IFT74: variants seen among roughly 807,000 people sequenced by gnomAD.
IFT74 encodes the protein intraflagellar transport 74, also known as intraflagellar transport protein 74 homolog.
In IFT74, 92 loss-of-function variants were observed where a neutral mutation model predicts 96.7. The observed-to-expected ratio is 0.95, with a 90% CI of 0.80 to 1.13. The LOEUF (loss-of-function observed/expected upper bound fraction) is 1.13. Among genes scored for constraint, IFT74 ranks in the 50% most tolerant of loss-of-function variants. The pLI is 0.00. For missense variants in IFT74, 811 were observed against 698.2 expected, an observed-to-expected ratio of 1.16 and a Z score of -1.82; for synonymous variants, 223 against 213.2, an observed-to-expected ratio of 1.05 and a Z score of -0.40.
chr9:27,011,869 A>G lies in IFT74; in HGVS notation c.727-37A>G, dbSNP rs369420033. On this transcript the variant is annotated intron_variant, in intron 9 of 19. Coordinates refer to ENST00000380062, the MANE Select transcript of IFT74 (RefSeq NM_025103.4). The stretch of plus-strand genomic sequence containing the variant: ...CACTACAACAAATTATTCTTAATGT[A>G]ATTTGGATTTATGTTTGCTTTTTTT... The G allele has an allele frequency of 1.8e-4, 249 of 1,402,594 alleles. No individual in the cohort carries two copies. The African/African-American group carries it at 3.5e-3, about 20-fold the overall frequency. 86.9% of individuals were successfully genotyped at this position (1,402,594 alleles called of 1,614,324 possible).
At chr9:27,055,343 A>G (rs1214118939) in intron 16 of IFT74, among the ~76,000 whole-genome samples, 1 of 152,162 alleles carries the variant, frequency 6.6e-6, no homozygotes, top group East Asian at 1.9e-4. Context: ...CAAGAAAAAA[A>G]CTTAAATGTT....
intron 11 of IFT74, among the ~76,000 whole-genome samples, chr9:27,018,105 A>G (rs1255331572): frequency 6.6e-6 from 1 of 152,206 alleles, no homozygotes; most frequent in Non-Finnish European, 1.5e-5. Flanking sequence ...AGGTACGCCT[A>G]CCACATAAAA....
intron 8 of IFT74, among the ~76,000 whole-genome samples, chr9:26,991,610 A>G (rs1373033029): frequency 6.6e-6 from 1 of 151,338 alleles, no homozygotes; most frequent in Non-Finnish European, 1.5e-5. Flanking sequence ...AATTTTGTTC[A>G]TGGTAACCAC....
chr9:26,995,986 T>C, intron 8 of IFT74: 1 of 695,304 alleles, frequency 1.4e-6, no homozygotes, highest in East Asian at 2.8e-5. Flanking sequence ...AGATTTTGTT[T>C]GGTGGATGAA....
At chr9:27,003,524 GAA>G in intron 8 of IFT74, among the ~76,000 whole-genome samples, 1 of 146,298 alleles carries the variant, frequency 6.8e-6, no homozygotes, top group East Asian at 2.0e-4. Flanking sequence ...CTCTGTCTCA[GAA>G]AAAAAAAAGA....
At chr9:26,958,140 C>A (rs951970015) in intron 1 of IFT74, among the ~76,000 whole-genome samples, 1 of 152,016 alleles carries the variant, frequency 6.6e-6, no homozygotes, top group Admixed American at 6.6e-5. Flanking sequence ...CAAGAGAGAA[C>A]AAAGTTTTTG....
At chr9:26,959,675 ATG>A (rs1826267918) in intron 1 of IFT74, among the ~76,000 whole-genome samples, 1 of 152,142 alleles carries the variant, frequency 6.6e-6, no homozygotes, top group Admixed American at 6.5e-5. Context: ...GGCAGGATGG[ATG>A]TAGAGAAGTT....
chr9:26,997,869 G>T (rs1329146708), intron 8 of IFT74: 1 of 1,614,182 alleles, frequency 6.2e-7, no homozygotes, highest in Admixed American at 1.7e-5. Flanking sequence ...TTGCCTTGCA[G>T]ATTCAGAAGT....
At chr9:26,953,569 G>C (rs764268594), upstream of IFT74, among the ~76,000 whole-genome samples, 1 of 152,146 alleles carries the variant, frequency 6.6e-6, no homozygotes, top group South Asian at 2.1e-4. Context: ...TCTTATTTCA[G>C]TTGATGTACA....
intron 2 of IFT74, among the ~76,000 whole-genome samples, chr9:26,962,671 G>C (rs867982845): frequency 6.6e-6 from 1 of 152,142 alleles, no homozygotes; most frequent in South Asian, 2.1e-4. Context: ...TAGAAACTTG[G>C]TATTTCAAAA....
intron 13 of IFT74, among the ~76,000 whole-genome samples, chr9:27,032,279 C>T (rs1260605212): frequency 6.6e-6 from 1 of 152,038 alleles, no homozygotes; most frequent in Non-Finnish European, 1.5e-5. Context: ...TCTCCTATTT[C>T]TATATGCTGG....
rs773339320 is a variant in IFT74, at chr9:27,009,579, A to G, written c.726+421A>G. On this transcript the variant is annotated intron_variant, in intron 9 of 19. Transcript: ENST00000380062. ...CTTGCAGTTACAGACTTTTAATGCA[A>G]ACATTAAAAGGCCTCATAGGTGGAG... 3.9e-5 allele frequency among the ~76,000 whole-genome samples: 6 copies of G among 152,084 alleles called. No homozygotes were observed. The South Asian group carries it at 1.0e-3, about 26-fold the overall frequency.
chr9:26,981,476 A>G (rs562449015), intron 4 of IFT74, among the ~76,000 whole-genome samples: 9 of 150,710 alleles, frequency 6.0e-5, no homozygotes, highest in Non-Finnish European at 8.9e-5. Flanking sequence ...GTGCAGTGGC[A>G]TGATCTCGGT....
chr9:26,991,345 C>T (rs1827857606), intron 8 of IFT74, among the ~76,000 whole-genome samples: 1 of 152,106 alleles, frequency 6.6e-6, no homozygotes, highest in Non-Finnish European at 1.5e-5. Flanking sequence ...CTCAGCCCTC[C>T]AAGTAGCTGA....
rs752071673 is a variant in IFT74 at position 27,044,753 on chromosome 9, C to G, written c.1066C>G (p.Gln356Glu). Residue 356 changes from glutamine (Q) to glutamate (E), a missense_variant, in exon 14 of 20, where the codon CAG (glutamine) becomes GAG (glutamate). By Grantham distance (29) the Gln-to-Glu change is conservative (BLOSUM62 2). Transcript: ENST00000380062. Reference protein sequence around the residue: ...DLEEHQGEMNQKYKELKKREE... With the variant: ...DLEEHQGEMNEKYKELKKREE... ...TATATCTCTCATAGGTGAAATGAAC[C>G]AGAAATACAAGGAGCTAAAGAAAAG... The G allele has an allele frequency of 6.4e-7, 1 of 1,566,190 alleles. No individual in the cohort carries two copies. The highest frequency in any genetic ancestry group is 1.8e-5 in the Admixed American group (1 of 55,394).
At chr9:27,005,238 CT>C (rs1828705539) in intron 8 of IFT74, among the ~76,000 whole-genome samples, 3 of 146,346 alleles carry the variant, frequency 2.0e-5, no homozygotes, top group African/African-American at 7.5e-5. Flanking sequence ...CATGGCCAGT[CT>C]TTTTTTTATC....
intron 6 of IFT74, among the ~76,000 whole-genome samples, chr9:26,987,910 C>A (rs1827704445): frequency 6.6e-6 from 1 of 151,922 alleles, no homozygotes; most frequent in African/African-American, 2.4e-5. Context: ...TAAAGAATAT[C>A]TTTTTATGTT....
At chr9:27,019,468 G>C (rs1181398183) in intron 12 of IFT74, among the ~76,000 whole-genome samples, 3 of 151,766 alleles carry the variant, frequency 2.0e-5, no homozygotes, top group African/African-American at 7.3e-5. Flanking sequence ...TTGGTATTTG[G>C]CTTTATTTCT....
At chr9:26,956,834 T>C (rs73643117) in intron 1 of IFT74, among the ~76,000 whole-genome samples, 6,981 of 152,362 alleles carry the variant, frequency 0.046, 215 homozygotes, top group South Asian at 0.13. Context: ...AAGGGACTTA[T>C]TTCTGTCTGT....
Sources: gnomAD v4.1 joint callset for allele counts (sites outside exome capture counted in the v4.1 genomes callset) on GRCh38, gnomAD v4.1.1 for gene constraint, MANE v1.5 for transcripts, NCBI Gene and HGNC (gene_info 2026-07-23, HGNC 2026-07-21) for gene names.